COL9A1: variants seen among roughly 807,000 people sequenced by gnomAD.
COL9A1 encodes the protein collagen type IX alpha 1 chain.
In COL9A1, 104 loss-of-function variants were observed where a neutral mutation model predicts 142.6. The ratio of observed to expected loss-of-function variants is 0.73; its 90% CI spans 0.62 to 0.86. The LOEUF (loss-of-function observed/expected upper bound fraction) is 0.86. Ranked by LOEUF, COL9A1 falls within the 40% of genes least tolerant of loss-of-function variation. The probability of loss-of-function intolerance (pLI) is 0.00; values close to 1 mark genes in which losing one functional copy is unlikely to be tolerated. For synonymous variants in COL9A1, 466 were observed against 396.0 expected, an observed-to-expected ratio of 1.18 and a Z score of -2.10; for missense variants, 1,210 against 1,176.6, an observed-to-expected ratio of 1.03 and a Z score of -0.42.
intron 20 of COL9A1, among the ~76,000 whole-genome samples, chr6:70,257,665 T>C (rs993576314): frequency 3.3e-5 from 5 of 152,086 alleles, no homozygotes; most frequent in Non-Finnish European, 7.4e-5. Context: ...GAGAATCACT[T>C]GGGCCCGAGA....
At chr6:70,240,230 G>A (rs867202731) in intron 32 of COL9A1, among the ~76,000 whole-genome samples, 11 of 152,150 alleles carry the variant, frequency 7.2e-5, no homozygotes, top group Non-Finnish European at 1.3e-4. Flanking sequence ...TTTTTCGGAG[G>A]GTTTTAGACT....
intron 13 of COL9A1, 147 bp from the exon 14 acceptor site, chr6:70,271,855 A>T: frequency 2.0e-6 from 2 of 976,084 alleles, no homozygotes; most frequent in Non-Finnish European, 3.1e-6. Flanking sequence ...ACCAAACTTT[A>T]ATTACTTAAG....
intron 28 of COL9A1, among the ~76,000 whole-genome samples, chr6:70,250,546 C>T (rs887308737): frequency 6.6e-5 from 10 of 152,188 alleles, no homozygotes; most frequent in Admixed American, 2.6e-4. Context: ...AGGAAACCAC[C>T]TGGTGGAAGT....
At chr6:70,285,455 T>A (rs1023730162) in intron 5 of COL9A1, among the ~76,000 whole-genome samples, 5 of 152,258 alleles carry the variant, frequency 3.3e-5, no homozygotes, top group African/African-American at 1.2e-4. Flanking sequence ...ATGCTGATTT[T>A]CACACATTTC....
At chr6:70,284,068 C>T (rs565399638) in intron 5 of COL9A1, among the ~76,000 whole-genome samples, 42 of 152,126 alleles carry the variant, frequency 2.8e-4, no homozygotes, top group African/African-American at 9.6e-4. Flanking sequence ...TTCAGCATAC[C>T]CCTAGCCTGG....
Position 70,232,759 on chromosome 6 carries a change from T to C in COL9A1, c.2327A>G (p.Glu776Gly). 1 of 1,612,860 alleles carries C rather than the reference T, an allele frequency of 6.2e-7. No homozygotes were observed. The highest frequency in any genetic ancestry group is 1.1e-5 in the South Asian group (1 of 91,020). Reference protein sequence around the residue: ...CMRVIQEHFAEMAASLKRPDS... With the variant: ...CMRVIQEHFAGMAASLKRPDS... ...TGGACGCTTAAGACTGGCAGCCATCTCAGCAAAATGTTCTAAAAGAGAATA... is the reference window on the plus strand; with the variant it reads ...TGGACGCTTAAGACTGGCAGCCATCCCAGCAAAATGTTCTAAAAGAGAATA... Residue 776 changes from glutamate (E) to glycine (G), a missense_variant, in exon 36 of 38, where the codon GAG (glutamate) becomes GGG (glycine). By Grantham distance (98) the Glu-to-Gly change is moderately conservative. Coordinates refer to ENST00000357250, the MANE Select transcript of COL9A1 (RefSeq NM_001851.6).
chr6:70,234,235 A>AGTGTGT (rs71538408), intron 35 of COL9A1, among the ~76,000 whole-genome samples: 69 of 147,034 alleles, frequency 4.7e-4, no homozygotes, highest in African/African-American at 1.4e-3. Context: ...AAAGGAAAAA[A>AGTGTGT]GTGTGTGTGT....
intron 11 of COL9A1, among the ~76,000 whole-genome samples, chr6:70,274,343 C>T (rs928227316): frequency 6.6e-6 from 1 of 152,122 alleles, no homozygotes; most frequent in Non-Finnish European, 1.5e-5. Flanking sequence ...GCTATTCTTC[C>T]TGATGCTCTC....
intron 36 of COL9A1, among the ~76,000 whole-genome samples, chr6:70,231,179 G>A (rs1769516408): frequency 1.3e-5 from 2 of 152,082 alleles, no homozygotes; most frequent in South Asian, 4.1e-4. Flanking sequence ...GCTGCTCCGG[G>A]GACTGCTCTC....
Position 70,262,672 on chromosome 6 carries a change from A to G in COL9A1, c.1395+572T>C, listed in dbSNP as rs112240476. On this transcript the variant is annotated intron_variant, in intron 19 of 37. Transcript: ENST00000357250. ...ATTTTAATGTAATACAAAATAAGGC[A>G]AATTCTGATTTAACAACATTTGAAA... Among the ~76,000 whole-genome samples the G allele has an allele frequency of 2.1e-3, 313 of 152,368 alleles. 2 individuals are homozygous for G. Among genetic ancestry groups the G allele is most frequent in the African/African-American group, 7.2e-3 (298 of 41,594 alleles).
In COL9A1 at chr6:70,255,004, C is replaced by CA. The variant is rs1354713391; in HGVS notation, c.1623dup (p.Val542CysfsTer5). On this transcript the variant is annotated frameshift_variant, in exon 24 of 38. Transcript: ENST00000357250. LOFTEE classifies it high-confidence loss of function. The stretch of plus-strand genomic sequence containing the variant: ...CCAGGGATCCCATCACGGCCATCCA[C>CA]ACCTGGCAAACCCTAAACACACACA... 9 of 1,614,214 alleles carry CA rather than the reference C, an allele frequency of 5.6e-6. No individual in the cohort carries two copies. The highest frequency in any genetic ancestry group is 7.6e-6 in the Non-Finnish European group (9 of 1,180,024).
chr6:70,283,312 TC>T lies in COL9A1; in HGVS notation c.781-395del. Reference sequence around the variant, plus strand: ...ATGACAACAGTCGCCCTTAACCCCTTCCCTGCCGCCGCACAGGCGAGGACTG... The same window carrying T: ...ATGACAACAGTCGCCCTTAACCCCTTCCTGCCGCCGCACAGGCGAGGACTG... On this transcript the variant is annotated intron_variant, in intron 6 of 37. Transcript: ENST00000357250. 4.7e-6 allele frequency: 6 copies of T among 1,263,400 alleles called. No individual in the cohort carries two copies. In the South Asian group the frequency reaches 9.5e-5, roughly 20 times the overall value. 78.3% of individuals were successfully genotyped at this position (1,263,400 alleles called of 1,614,324 possible).
At chr6:70,296,653 A>G (rs998116891) in intron 4 of COL9A1, among the ~76,000 whole-genome samples, 1 of 152,166 alleles carries the variant, frequency 6.6e-6, no homozygotes, top group South Asian at 2.1e-4. Flanking sequence ...GTATAATTAT[A>G]AAACCTTATG....
intron 5 of COL9A1, 43 bp from the exon 6 acceptor site, chr6:70,283,863 A>T: frequency 7.1e-7 from 1 of 1,409,540 alleles, no homozygotes; most frequent in Non-Finnish European, 9.9e-7. Context: ...TTTTTGGACG[A>T]CTGAAGCTGG....
chr6:70,282,036 T>C (rs528861438), intron 7 of COL9A1, among the ~76,000 whole-genome samples: 51 of 152,266 alleles, frequency 3.3e-4, no homozygotes, highest in African/African-American at 9.1e-4. Flanking sequence ...CTCAGTCCCT[T>C]GAATTAGGTC....
chr6:70,227,787 T>C (rs983908401), intron 36 of COL9A1, among the ~76,000 whole-genome samples: 1 of 152,108 alleles, frequency 6.6e-6, no homozygotes, highest in African/African-American at 2.4e-5. Context: ...TTCCACAGAA[T>C]AGAACACTAT....
At chr6:70,267,318 G>GTTTTTTTTT (rs1253782694) in intron 17 of COL9A1, among the ~76,000 whole-genome samples, 1 of 97,726 alleles carries the variant, frequency 1.0e-5, no homozygotes, top group Admixed American at 9.2e-5. Flanking sequence ...TTGTTTGTTT[G>GTTTTTTTTT]GTTTTTTTGT....
At chr6:70,287,445 C>A (rs1194271310) in intron 5 of COL9A1, among the ~76,000 whole-genome samples, 1 of 152,134 alleles carries the variant, frequency 6.6e-6, no homozygotes, top group Admixed American at 6.6e-5. Context: ...TCCTTTGAGG[C>A]AGAAGGAGGC....
At position 70,216,480 on chromosome 6, in the gene COL9A1, A is replaced by T. The variant is rs1203840720; in HGVS notation, c.*417T>A. On this transcript the variant is annotated 3_prime_UTR_variant, in exon 38 of 38. Transcript: ENST00000357250. ...TAGTAATCCTCTATATAACTGAAAC[A>T]ATAATCTGAGAACAACTTCTAAATG... 4.6e-6 allele frequency: 1 copy of T among 219,570 alleles called. No individual in the cohort carries two copies. Among genetic ancestry groups the T allele is most frequent in the African/African-American group, 2.3e-5 (1 of 43,198 alleles). The allele number at this position is 219,570 out of a possible 1,614,324, so 13.6% of individuals were successfully genotyped here.
Sources: gnomAD v4.1 joint callset for allele counts (sites outside exome capture counted in the v4.1 genomes callset) on GRCh38, gnomAD v4.1.1 for gene constraint, MANE v1.5 for transcripts, NCBI Gene and HGNC (gene_info 2026-07-23, HGNC 2026-07-21) for gene names.